Variants in PSMA7 observed in about 807,000 individuals in gnomAD.
The protein encoded by PSMA7 is proteasome 20S subunit alpha 7.
A neutral mutation model predicts 31.3 loss-of-function variants in PSMA7; 5 were observed. That is an observed-to-expected ratio of 0.16 (90% confidence interval 0.08 to 0.34). The LOEUF is 0.34. PSMA7 is among the 10% of genes least tolerant of loss of function. The pLI is 1.00. For synonymous variants in PSMA7, 155 were observed against 121.9 expected, an observed-to-expected ratio of 1.27 and a Z score of -1.79; for missense variants, 217 against 327.5, an observed-to-expected ratio of 0.66 and a Z score of 2.60.
intron 1 of PSMA7, chr20:62,142,358 CAA>C (rs2056936410): frequency 1.3e-5 from 2 of 152,352 alleles, no homozygotes; most frequent in Admixed American, 1.3e-4. Flanking sequence ...CATTTCAAAA[CAA>C]AGATTCAGAA....
chr20:62,137,446 G>C lies in PSMA7; in HGVS notation c.592-20C>G, dbSNP rs764069840. On this transcript the variant is annotated intron_variant, in intron 5 of 6. Coordinates refer to ENST00000370873, the MANE Select transcript of PSMA7 (RefSeq NM_002792.4). ...AACCACCTTGAAGGGACAGAAGACA[G>C]GAGCATTAACCACCTTTCCCTATTC... The C allele has an allele frequency of 3.7e-6, 6 of 1,613,022 alleles. No individual in the cohort carries two copies. The highest frequency in any genetic ancestry group is 5.1e-6 in the Non-Finnish European group (6 of 1,179,182).
Position 62,137,447 on chromosome 20 carries a change from G to A in PSMA7, c.592-21C>T, listed in dbSNP as rs367991363. The A allele has an allele frequency of 1.4e-5, 22 of 1,612,558 alleles. No individual in the cohort carries two copies. The Admixed American group carries it at 3.3e-4, about 24-fold the overall frequency. On this transcript the variant is annotated intron_variant, in intron 5 of 6. Coordinates refer to ENST00000370873, the MANE Select transcript of PSMA7 (RefSeq NM_002792.4). The stretch of plus-strand genomic sequence containing the variant: ...ACCACCTTGAAGGGACAGAAGACAG[G>A]AGCATTAACCACCTTTCCCTATTCA...
chr20:62,139,723 G>A (rs890495259), intron 3 of PSMA7, 58 bp downstream of exon 3: 1 of 1,613,330 alleles, frequency 6.2e-7, no homozygotes, highest in South Asian at 1.1e-5. Flanking sequence ...GACCCTCCAT[G>A]GCGGAGCCGT....
chr20:62,139,760 T>A (rs373942321), intron 3 of PSMA7, 21 bp downstream of exon 3: 20 of 1,613,834 alleles, frequency 1.2e-5, no homozygotes, highest in Non-Finnish European at 1.7e-5. Flanking sequence ...GAGGTGAGCA[T>A]GCAAGCGGGC....
Position 62,136,995 on chromosome 20 carries a change from A to G in PSMA7, c.655-46T>C, listed in dbSNP as rs1179013013. 1.9e-6 allele frequency: 3 copies of G among 1,586,014 alleles called. No homozygotes were observed. In the East Asian group the frequency reaches 6.7e-5, roughly 36 times the overall value. ...GTTACCTAAGCCACACAAGGTGCCA[A>G]GGAACCAGCGCCCTCTTCTGGGGAG... On this transcript the variant is annotated intron_variant, in intron 6 of 6. Coordinates refer to ENST00000370873, the MANE Select transcript of PSMA7 (RefSeq NM_002792.4).
chr20:62,137,523 A>T, intron 5 of PSMA7, 97 bp from the exon 6 acceptor site: 3 of 1,156,506 alleles, frequency 2.6e-6, no homozygotes, highest in Non-Finnish European at 2.6e-6. Context: ...ACCCAAACCC[A>T]GCACCGTCCC....
In PSMA7 at chr20:62,137,373, T is replaced by C. The variant is rs781632060; in HGVS notation, c.645A>G (p.Gln215=). 2.5e-5 allele frequency: 40 copies of C among 1,614,072 alleles called. No individual in the cohort carries two copies. The East Asian group carries it at 3.8e-4, about 15-fold the overall frequency. The change falls in exon 6 of 7, where the codon CAA becomes CAG. Residue 215 remains glutamine, a synonymous_variant. Transcript: ENST00000370873. The part of the protein sequence containing the change: ...NIELAVMRRD[Q]SLKILNPEEI... ...CAAACTTGGTGATTACCTTGAGGGA[T>C]TGATCTCGCCTCATGACAGCAAGTT... is the stretch of plus-strand genomic sequence containing the variant.
intron 6 of PSMA7, 86 bp downstream of exon 6, chr20:62,137,278 G>T: frequency 7.5e-7 from 1 of 1,339,174 alleles, no homozygotes; most frequent in Non-Finnish European, 1.1e-6. Flanking sequence ...ATGGCCCTAT[G>T]ATGTTTCCTT....
chr20:62,138,045 G>A, intron 5 of PSMA7, 126 bp downstream of exon 5: 1 of 1,304,330 alleles, frequency 7.7e-7, no homozygotes, highest in African/African-American at 1.4e-5. Context: ...GCAGTGCCTG[G>A]AACACAGCAG....
intron 1 of PSMA7, among the ~76,000 whole-genome samples, chr20:62,142,221 T>C (rs994704426): frequency 6.6e-6 from 1 of 152,124 alleles, no homozygotes; most frequent in Non-Finnish European, 1.5e-5. Context: ...CCAGAGAAGC[T>C]ATATGGGTTC....
intron 3 of PSMA7, 100 bp downstream of exon 3, chr20:62,139,679 TCA>T: frequency 5.1e-6 from 8 of 1,580,028 alleles, no homozygotes; most frequent in Non-Finnish European, 7.0e-6. Flanking sequence ...CCAGAATAAA[TCA>T]GTTTTCTGAT....
chr20:62,137,348 C>T lies in PSMA7; in HGVS notation c.654+16G>A. 6.2e-7 allele frequency: 1 copy of T among 1,613,684 alleles called. No individual in the cohort carries two copies. Among genetic ancestry groups the T allele is most frequent in the East Asian group, 2.2e-5 (1 of 44,878 alleles). On this transcript the variant is annotated intron_variant, in intron 6 of 6. Transcript: ENST00000370873. ...AAAACTGACAGGTAAAGAAAGCAGACAAACTTGGTGATTACCTTGAGGGAT... is the reference window on the plus strand; with the variant it reads ...AAAACTGACAGGTAAAGAAAGCAGATAAACTTGGTGATTACCTTGAGGGAT...
chr20:62,139,687 C>T (rs765137068), intron 3 of PSMA7, 94 bp downstream of exon 3: 7 of 1,593,640 alleles, frequency 4.4e-6, no homozygotes, highest in Non-Finnish European at 6.0e-6. Context: ...AATCAGTTTT[C>T]TGATTCACCT....
At chr20:62,139,634 G>T in intron 3 of PSMA7, 147 bp downstream of exon 3, 2 of 1,354,866 alleles carry the variant, frequency 1.5e-6, no homozygotes, top group Non-Finnish European at 2.1e-6. Context: ...GCTAGGTCAA[G>T]TTACACTTGT....
In PSMA7 at chr20:62,136,853, TTCA is replaced by T. The variant is rs1568724508; in HGVS notation, c.*1_*3del. 1.3e-6 allele frequency: 2 copies of T among 1,593,462 alleles called. No individual in the cohort carries two copies. The highest frequency in any genetic ancestry group is 2.3e-5 in the South Asian group (2 of 86,580). ...AAAAATTACAAGCAAAGACATTTTA[TTCA>T]TCATGATGCTTTCTTTTGTTTCTTC... On this transcript the variant is annotated 3_prime_UTR_variant, in exon 7 of 7. Transcript: ENST00000370873.
At chr20:62,139,407 A>T (rs896008660) in intron 3 of PSMA7, 5 of 684,616 alleles carry the variant, frequency 7.3e-6, no homozygotes, top group Admixed American at 5.9e-5. Context: ...CAGAATTGTG[A>T]ACTCAGGTTA....
At chr20:62,137,585 G>T in intron 5 of PSMA7, 159 bp from the exon 6 acceptor site, 1 of 697,300 alleles carries the variant, frequency 1.4e-6, no homozygotes, top group Non-Finnish European at 2.5e-6. Context: ...TAAACTCATG[G>T]CCATTTGTGA....
intron 3 of PSMA7, 44 bp from the exon 4 acceptor site, chr20:62,139,241 T>C (rs199500397): frequency 1.3e-6 from 2 of 1,596,936 alleles, no homozygotes; most frequent in South Asian, 1.1e-5. Flanking sequence ...ATTAAGAAAC[T>C]GCATGTGAGG....
chr20:62,142,937 C>A (rs1233750107), intron 1 of PSMA7, among the ~76,000 whole-genome samples: 1 of 150,346 alleles, frequency 6.7e-6, no homozygotes, highest in Non-Finnish European at 1.5e-5. Context: ...TCACGGCCCC[C>A]GTGCCCGGGG....
Sources: allele counts gnomAD v4.1 joint callset (sites outside exome capture counted in the v4.1 genomes callset), GRCh38; gene constraint gnomAD v4.1.1; transcripts MANE v1.5; gene names NCBI Gene and HGNC (gene_info 2026-07-23, HGNC 2026-07-21).